The following SV2C variants were observed in gnomAD, a reference collection of about 807,000 sequenced individuals.
The protein encoded by SV2C is solute carrier family 22 member B3.
SV2C carries 49 observed loss-of-function variants against 79.7 expected under a neutral mutation model. The observed-to-expected ratio is 0.61, with a 90% CI of 0.49 to 0.78. The LOEUF (loss-of-function observed/expected upper bound fraction) is 0.78. Among genes scored for constraint, SV2C ranks in the 30% least tolerant of loss-of-function variants. The pLI is 0.00. For synonymous variants in SV2C, 334 were observed against 333.2 expected (o/e 1.00, Z -0.03); for missense variants, 833 against 912.9 (o/e 0.91, Z 1.13).
chr5:76,144,494 A>G (rs1310764334), intron 2 of SV2C, among the ~76,000 whole-genome samples: 3 of 152,210 alleles, frequency 2.0e-5, no homozygotes, highest in South Asian at 2.1e-4. Context: ...GATCTTTGCT[A>G]ATTCCTCTTC....
At chr5:76,131,629 C>T (rs1748893310) in intron 1 of SV2C, 21 bp from the exon 2 acceptor site, 1 of 649,864 alleles carries the variant, frequency 1.5e-6, no homozygotes. Flanking sequence ...ATAAGTATCT[C>T]CTCTATTTCT....
the SV2C span, among the ~76,000 whole-genome samples, chr5:75,864,310 CTCCA>C: frequency 0.24 from 35,886 of 149,554 alleles, 4,547 homozygotes; most frequent in African/African-American, 0.33. Flanking sequence ...TCCAGTGCCA[CTCCA>C]TCCATCCATC....
chr5:76,113,605 C>T (rs1748164461), intron 1 of SV2C, among the ~76,000 whole-genome samples: 1 of 152,154 alleles, frequency 6.6e-6, no homozygotes, highest in South Asian at 2.1e-4. Flanking sequence ...TTCAGTAGTC[C>T]ACTTGGGAGG....
chr5:75,969,944 G>A, the SV2C span, among the ~76,000 whole-genome samples: 19 of 151,982 alleles, frequency 1.3e-4, no homozygotes, highest in Non-Finnish European at 1.8e-4. Flanking sequence ...CTCAGCAAAC[G>A]TAAAAGAACA....
rs954831193 is a variant in SV2C, at chr5:76,329,558, A to C, written c.*4011A>C. The C allele has an allele frequency of 6.6e-5, 10 of 152,232 alleles. No individual in the cohort carries two copies. Among genetic ancestry groups the C allele is most frequent in the African/African-American group, 2.4e-4 (10 of 41,466 alleles). 9.4% of individuals were successfully genotyped at this position (152,232 alleles called of 1,614,324 possible). A position where few individuals can be genotyped will look rare whatever the true frequency, so the allele number is the denominator to read the frequency against. On this transcript the variant is annotated 3_prime_UTR_variant, in exon 13 of 13. Transcript: ENST00000502798. ...GAGGTGGGAAAAGAAATGTAGTGAC[A>C]GAAGGGAGAGTCCAAGATACCACTG...
chr5:75,979,223 A>T, the SV2C span, among the ~76,000 whole-genome samples: 10 of 152,170 alleles, frequency 6.6e-5, no homozygotes, highest in Non-Finnish European at 1.3e-4. Flanking sequence ...GTGCACCCAG[A>T]TTCATAAAGC....
the SV2C span, among the ~76,000 whole-genome samples, chr5:75,918,264 C>T: frequency 7.9e-5 from 12 of 152,026 alleles, no homozygotes; most frequent in South Asian, 2.1e-4. Flanking sequence ...CCAGGCAACA[C>T]TACAACACTT....
chr5:76,239,079 A>G (rs1745702069), intron 4 of SV2C, among the ~76,000 whole-genome samples: 2 of 149,206 alleles, frequency 1.3e-5, no homozygotes, highest in South Asian at 4.1e-4. Flanking sequence ...TAGGGAATAA[A>G]TAGTCTTCCC....
chr5:76,054,155 C>G, the SV2C span, among the ~76,000 whole-genome samples: 4 of 152,084 alleles, frequency 2.6e-5, no homozygotes, highest in East Asian at 1.9e-4. Context: ...TACCCACCCC[C>G]CTGACAGGCC....
intron 2 of SV2C, among the ~76,000 whole-genome samples, chr5:76,159,797 A>G (rs933907099): frequency 3.3e-5 from 5 of 152,070 alleles, no homozygotes; most frequent in Admixed American, 6.6e-5. Context: ...CCTACTTCTA[A>G]GGTCACATTC....
chr5:76,143,639 G>C (rs1321465069), intron 2 of SV2C, among the ~76,000 whole-genome samples: 1 of 152,204 alleles, frequency 6.6e-6, no homozygotes, highest in East Asian at 1.9e-4. Context: ...TCTGGTAGTG[G>C]TATTACCACA....
chr5:76,098,193 T>C (rs891802975), intron 1 of SV2C, among the ~76,000 whole-genome samples: 1 of 152,208 alleles, frequency 6.6e-6, no homozygotes, highest in African/African-American at 2.4e-5. Flanking sequence ...TAGAGGTCAC[T>C]GTCAGTCAGT....
chr5:76,114,669 G>A (rs1277907617), intron 1 of SV2C, among the ~76,000 whole-genome samples: 4 of 152,170 alleles, frequency 2.6e-5, no homozygotes, highest in African/African-American at 9.7e-5. Flanking sequence ...TTTCTTTTGT[G>A]GGCTAAACCC....
intron 2 of SV2C, among the ~76,000 whole-genome samples, chr5:76,185,780 A>G (rs1743896841): frequency 6.6e-6 from 1 of 152,210 alleles, no homozygotes; most frequent in Non-Finnish European, 1.5e-5. Flanking sequence ...CATGTCCTGG[A>G]GACATTTTCC....
intron 4 of SV2C, among the ~76,000 whole-genome samples, chr5:76,232,362 C>T (rs1214349423): frequency 5.8e-4 from 87 of 150,716 alleles, no homozygotes; most frequent in East Asian, 4.1e-3. Flanking sequence ...GAGTAGGTTG[C>T]GAAAATTTTC....
At chr5:76,064,196 T>C in the SV2C span, among the ~76,000 whole-genome samples, 1 of 152,000 alleles carries the variant, frequency 6.6e-6, no homozygotes, top group African/African-American at 2.4e-5. Context: ...TCAGGACAGG[T>C]GAGGAGAGTG....
chr5:76,171,864 C>T (rs1743283853), intron 2 of SV2C, among the ~76,000 whole-genome samples: 2 of 108,362 alleles, frequency 1.8e-5, no homozygotes, highest in African/African-American at 6.6e-5. Flanking sequence ...GCCCGGCCAG[C>T]CACCCCGTCC....
the SV2C span, among the ~76,000 whole-genome samples, chr5:75,935,671 C>G: frequency 6.6e-6 from 1 of 152,022 alleles, no homozygotes; most frequent in Non-Finnish European, 1.5e-5. Flanking sequence ...AAGCAAGTTG[C>G]GAACGAATAA....
intron 4 of SV2C, among the ~76,000 whole-genome samples, chr5:76,252,209 T>G (rs917796543): frequency 6.6e-6 from 1 of 152,216 alleles, no homozygotes; most frequent in Non-Finnish European, 1.5e-5. Context: ...AACCTCTGCC[T>G]CCTGAGTTCA....
Sources: allele counts gnomAD v4.1 joint callset (sites outside exome capture counted in the v4.1 genomes callset), GRCh38; gene constraint gnomAD v4.1.1; transcripts MANE v1.5; gene names NCBI Gene and HGNC (gene_info 2026-07-23, HGNC 2026-07-21).